Variants in AP3B1 observed in about 807,000 individuals in gnomAD.
AP3B1 encodes the protein adaptor related protein complex 3 subunit beta 1, also known as AP-3 complex subunit beta-1.
A neutral mutation model predicts 132.5 loss-of-function variants in AP3B1; 61 were observed. The ratio of observed to expected loss-of-function variants is 0.46; its 90% CI spans 0.37 to 0.57. The LOEUF (loss-of-function observed/expected upper bound fraction) is 0.57. AP3B1 is among the 20% of genes least tolerant of loss of function. The pLI is 0.00. For missense variants in AP3B1, 1,120 were observed against 1,289.4 expected (o/e 0.87, Z 2.01); for synonymous variants, 388 against 438.3 (o/e 0.89, Z 1.43).
intron 3 of AP3B1, among the ~76,000 whole-genome samples, chr5:78,239,619 A>T (rs181838717): frequency 7.3e-4 from 111 of 151,684 alleles, no homozygotes; most frequent in African/African-American, 2.5e-3. Context: ...ACAAAAAAAA[A>T]ATATAAAAAA....
rs561050987 is a variant in AP3B1, at chr5:78,101,812, C to T, written c.2398-787G>A. ...ATTTGTAAATCTTTTAAAAAGAAAACAGTATTAAGTGCATTACAAACAACT... is the reference window on the plus strand; with the variant it reads ...ATTTGTAAATCTTTTAAAAAGAAAATAGTATTAAGTGCATTACAAACAACT... On this transcript the variant is annotated intron_variant, in intron 20 of 26. Coordinates refer to ENST00000255194, the MANE Select transcript of AP3B1 (RefSeq NM_003664.5). Among the ~76,000 whole-genome samples, 5 of 152,014 alleles carry T rather than the reference C, an allele frequency of 3.3e-5. No individual in the cohort carries two copies. In the East Asian group the frequency reaches 7.7e-4, roughly 24 times the overall value.
At chr5:78,145,425 T>A (rs1227756446) in intron 14 of AP3B1, among the ~76,000 whole-genome samples, 1 of 152,108 alleles carries the variant, frequency 6.6e-6, no homozygotes, top group Admixed American at 6.6e-5. Flanking sequence ...CTTGCCCACA[T>A]CTCACAGCTG....
At chr5:78,162,986 G>A (rs371046922) in intron 12 of AP3B1, 35 bp from the exon 13 acceptor site, 1 of 1,596,036 alleles carries the variant, frequency 6.3e-7, no homozygotes, top group Admixed American at 1.7e-5. Context: ...TTACACACTG[G>A]TATTATTGAG....
intron 2 of AP3B1, among the ~76,000 whole-genome samples, chr5:78,252,110 G>A (rs1056443538): frequency 3.3e-5 from 5 of 152,188 alleles, no homozygotes; most frequent in African/African-American, 1.2e-4. Flanking sequence ...TGCCTTGAAG[G>A]AAAGGTCTGA....
chr5:78,272,775 G>T (rs1249696171), intron 1 of AP3B1, among the ~76,000 whole-genome samples: 1 of 152,108 alleles, frequency 6.6e-6, no homozygotes, highest in Non-Finnish European at 1.5e-5. Flanking sequence ...GATATCATGG[G>T]GAGCAAAGGG....
intron 22 of AP3B1, among the ~76,000 whole-genome samples, chr5:78,074,079 G>A (rs115767200): frequency 1.4e-3 from 214 of 152,076 alleles, no homozygotes; most frequent in African/African-American, 5.0e-3. Context: ...AGTACTATCC[G>A]CCAGTTAGGA....
chr5:78,197,491 TAAG>T (rs1296564468), intron 7 of AP3B1, among the ~76,000 whole-genome samples: 1 of 152,198 alleles, frequency 6.6e-6, no homozygotes, highest in Non-Finnish European at 1.5e-5. Context: ...AAATTATACT[TAAG>T]TAGTAGTACT....
intron 22 of AP3B1, among the ~76,000 whole-genome samples, chr5:78,056,027 A>C (rs1443365304): frequency 6.6e-6 from 1 of 152,174 alleles, no homozygotes; most frequent in African/African-American, 2.4e-5. Flanking sequence ...TTTGTTAATA[A>C]AATTTCTACT....
At chr5:78,249,506 T>G (rs1234537221) in intron 2 of AP3B1, among the ~76,000 whole-genome samples, 1 of 152,002 alleles carries the variant, frequency 6.6e-6, no homozygotes, top group Non-Finnish European at 1.5e-5. Flanking sequence ...GTTAGACCTT[T>G]AGAATGAACC....
intron 26 of AP3B1, among the ~76,000 whole-genome samples, chr5:78,010,606 ACCT>A (rs936861105): frequency 2.0e-5 from 3 of 151,994 alleles, no homozygotes; most frequent in African/African-American, 7.3e-5. Flanking sequence ...TTGAACACAA[ACCT>A]CCTTCCTAAA....
chr5:78,210,871 TTTAGTC>T (rs1218665812), intron 7 of AP3B1, among the ~76,000 whole-genome samples: 1 of 152,116 alleles, frequency 6.6e-6, no homozygotes, highest in Non-Finnish European at 1.5e-5. Context: ...CAAAAGCAAC[TTTAGTC>T]TTAGAGATCT....
intron 13 of AP3B1, among the ~76,000 whole-genome samples, chr5:78,160,349 C>T (rs1263454774): frequency 6.6e-6 from 1 of 152,028 alleles, no homozygotes; most frequent in Non-Finnish European, 1.5e-5. Context: ...AAGTAAATTT[C>T]GCTAATATGT....
intron 4 of AP3B1, among the ~76,000 whole-genome samples, 180 bp downstream of exon 4, chr5:78,227,964 G>C (rs1746468743): frequency 6.6e-6 from 1 of 152,250 alleles, no homozygotes; most frequent in Middle Eastern, 3.4e-3. Context: ...TATACAGCAA[G>C]GTTTCAGTTG....
chr5:78,015,287 A>AGT (rs1746809573), intron 26 of AP3B1, 123 bp downstream of exon 26: 7 of 1,020,358 alleles, frequency 6.9e-6, no homozygotes, highest in Non-Finnish European at 8.6e-6. Context: ...AAAAAAAGGG[A>AGT]GTGTGTGTAT....
intron 22 of AP3B1, chr5:78,087,449 C>T (rs574093920): frequency 4.4e-5 from 35 of 795,358 alleles, no homozygotes; most frequent in South Asian, 2.3e-4. Context: ...TATTTCTACA[C>T]GTTCCATTTT....
chr5:78,046,123 G>T (rs947441752), intron 22 of AP3B1, among the ~76,000 whole-genome samples: 6 of 152,146 alleles, frequency 3.9e-5, no homozygotes, highest in African/African-American at 1.2e-4. Context: ...CTTGTTGTTG[G>T]AAACAATTCT....
chr5:78,074,617 A>G lies in AP3B1; in HGVS notation c.2577+14776T>C, dbSNP rs533421400. 1.0e-3 allele frequency among the ~76,000 whole-genome samples: 154 copies of G among 152,188 alleles called. 1 individual carries two copies. Among genetic ancestry groups the G allele is most frequent in the African/African-American group, 2.7e-3 (114 of 41,522 alleles). On this transcript the variant is annotated intron_variant, in intron 22 of 26. Transcript: ENST00000255194. The stretch of plus-strand genomic sequence containing the variant: ...GTCTCTTAGCCTGGGGCCTGAATAT[A>G]CCTTAACTTTATAAAATGGAAAAAA...
intron 4 of AP3B1, 108 bp downstream of exon 4, chr5:78,228,036 A>G: frequency 1.4e-6 from 1 of 698,100 alleles, no homozygotes; most frequent in Non-Finnish European, 2.3e-6. Context: ...TAACTCTTTC[A>G]AGACACTACT....
intron 1 of AP3B1, among the ~76,000 whole-genome samples, chr5:78,290,298 G>C (rs1269470038): frequency 6.6e-6 from 1 of 152,052 alleles, no homozygotes; most frequent in Non-Finnish European, 1.5e-5. Context: ...TGTTGCCCAG[G>C]CTGGTCTGGA....
Sources: gnomAD v4.1 joint callset for allele counts (sites outside exome capture counted in the v4.1 genomes callset) on GRCh38, gnomAD v4.1.1 for gene constraint, MANE v1.5 for transcripts, NCBI Gene and HGNC (gene_info 2026-07-23, HGNC 2026-07-21) for gene names.